The following GAS7 variants were observed in gnomAD, a reference collection of about 807,000 sequenced individuals.
The protein encoded by GAS7 is growth arrest-specific protein 7.
In GAS7, 28 loss-of-function variants were observed where a neutral mutation model predicts 71.1. That is an observed-to-expected ratio of 0.39 (90% CI 0.29 to 0.54). The LOEUF is 0.54. GAS7 is among the 20% of genes least tolerant of loss of function. The probability of loss-of-function intolerance (pLI) is 0.62; values close to 1 mark genes in which losing one functional copy is unlikely to be tolerated. For synonymous variants in GAS7, 258 were observed against 245.8 expected (o/e 1.05, Z -0.46); for missense variants, 436 against 627.8 (o/e 0.69, Z 3.27).
intron 1 of GAS7, among the ~76,000 whole-genome samples, chr17:10,108,141 C>T (rs7217769): frequency 0.41 from 62,081 of 152,066 alleles, 13,128 homozygotes; most frequent in African/African-American, 0.51. Flanking sequence ...CATGGCCCAG[C>T]GTGGCCAGCT....
At chr17:10,092,430 A>C (rs1022983605) in intron 1 of GAS7, among the ~76,000 whole-genome samples, 2 of 152,202 alleles carry the variant, frequency 1.3e-5, no homozygotes, top group African/African-American at 4.8e-5. Flanking sequence ...AGCACCCAAA[A>C]TAGAGCCTGA....
chr17:10,137,830 C>T (rs76743469), intron 1 of GAS7, among the ~76,000 whole-genome samples: 5,784 of 152,080 alleles, frequency 0.038, 341 homozygotes, highest in East Asian at 0.3. Context: ...CGTGAGCTAC[C>T]GCGCCAGACC....
chr17:9,942,862 G>A (rs1652725528), intron 7 of GAS7, among the ~76,000 whole-genome samples: 1 of 149,622 alleles, frequency 6.7e-6, no homozygotes, highest in South Asian at 2.1e-4. Context: ...CTTTCAAGGT[G>A]TGCTAAATAT....
intron 1 of GAS7, among the ~76,000 whole-genome samples, chr17:10,093,166 C>T (rs2073602156): frequency 6.6e-6 from 1 of 152,206 alleles, no homozygotes; most frequent in African/African-American, 2.4e-5. Context: ...TGCTACACAA[C>T]CTTGGACAAG....
At chr17:10,069,098 T>C (rs2073313535) in intron 1 of GAS7, among the ~76,000 whole-genome samples, 1 of 152,084 alleles carries the variant, frequency 6.6e-6, no homozygotes, top group Non-Finnish European at 1.5e-5. Context: ...CATGAACAGT[T>C]TAGAGAACAG....
intron 4 of GAS7, among the ~76,000 whole-genome samples, chr17:9,960,192 CTTT>C (rs778589790): frequency 7.0e-6 from 1 of 143,016 alleles, no homozygotes; most frequent in African/African-American, 2.6e-5. Flanking sequence ...TGACCTTATT[CTTT>C]TTTTTTTTTT....
At chr17:10,005,328 TACACAC>T (rs564932578) in intron 2 of GAS7, among the ~76,000 whole-genome samples, 3 of 149,180 alleles carry the variant, frequency 2.0e-5, no homozygotes, top group Non-Finnish European at 3.0e-5. Context: ...CATATATATA[TACACAC>T]ACACACACAC....
chr17:10,032,633 C>A (rs901678977), intron 1 of GAS7, among the ~76,000 whole-genome samples: 1 of 152,170 alleles, frequency 6.6e-6, no homozygotes, highest in African/African-American at 2.4e-5. Context: ...AGGAAAATAT[C>A]AAGGCAGTTA....
chr17:10,056,712 A>C (rs551629343), intron 1 of GAS7, among the ~76,000 whole-genome samples: 1 of 152,020 alleles, frequency 6.6e-6, no homozygotes, highest in Non-Finnish European at 1.5e-5. Flanking sequence ...TCTACTAAAA[A>C]TACAAAAATT....
intron 12 of GAS7, among the ~76,000 whole-genome samples, chr17:9,918,444 C>T (rs1005199054): frequency 6.6e-6 from 1 of 152,264 alleles, no homozygotes; most frequent in Non-Finnish European, 1.5e-5. Context: ...GGCAACAACA[C>T]AGCTCACCCA....
At chr17:10,195,334 C>T (rs985191552) in intron 1 of GAS7, among the ~76,000 whole-genome samples, 3 of 152,184 alleles carry the variant, frequency 2.0e-5, no homozygotes, top group African/African-American at 7.2e-5. Flanking sequence ...CTGGGTCTCT[C>T]GGTTCCCCTT....
intron 1 of GAS7, among the ~76,000 whole-genome samples, chr17:10,054,039 C>G (rs913793190): frequency 6.6e-6 from 1 of 152,168 alleles, no homozygotes; most frequent in Non-Finnish European, 1.5e-5. Flanking sequence ...AGGCACTCCA[C>G]TTTGAGAATC....
intron 4 of GAS7, among the ~76,000 whole-genome samples, chr17:9,968,097 C>A (rs547800122): frequency 6.6e-6 from 1 of 152,318 alleles, no homozygotes; most frequent in South Asian, 2.1e-4. Context: ...TGAACCACAT[C>A]AGAATTTAGG....
chr17:10,179,814 C>A lies in GAS7; in HGVS notation c.183+18394G>T, dbSNP rs578074254. Among the ~76,000 whole-genome samples, 23 of 152,110 alleles carry A rather than the reference C, an allele frequency of 1.5e-4. 2 individuals carry two copies. In the East Asian group the frequency reaches 2.5e-3, roughly 17 times the overall value. On this transcript the variant is annotated intron_variant, in intron 1 of 13. Coordinates refer to ENST00000432992, the MANE Select transcript of GAS7 (RefSeq NM_201433.2). ...CAAGGTCCCCACCCAAAATGGTGAC[C>A]AGGAGGTTGGGAAGGACGCTCCGAG... is the stretch of plus-strand genomic sequence containing the variant.
chr17:10,103,885 T>C lies in GAS7; in HGVS notation c.184-83988A>G, dbSNP rs994176625. Reference sequence around the variant, plus strand: ...CCATAGAACCCATAGTAGCTGCTCATCAACCCACAGCCCAAATTCATCCTA... The same window carrying C: ...CCATAGAACCCATAGTAGCTGCTCACCAACCCACAGCCCAAATTCATCCTA... On this transcript the variant is annotated intron_variant, in intron 1 of 13. Coordinates refer to ENST00000432992, the MANE Select transcript of GAS7 (RefSeq NM_201433.2). The surrounding 1 kb of genome is among the most constrained non-coding windows in gnomAD (Gnocchi z 5.5). 6.7e-6 allele frequency among the ~76,000 whole-genome samples: 1 copy of C among 150,154 alleles called. No homozygotes were observed. Among genetic ancestry groups the C allele is most frequent in the Admixed American group, 6.6e-5 (1 of 15,078 alleles).
At chr17:9,924,557 T>C (rs1431351779) in intron 11 of GAS7, 3 of 141,490 alleles carry the variant, frequency 2.1e-5, no homozygotes, top group Non-Finnish European at 4.7e-5. Context: ...ATAAATATAC[T>C]GTGCCCTCTA....
At chr17:10,173,323 T>A (rs2074349115) in intron 1 of GAS7, among the ~76,000 whole-genome samples, 1 of 152,120 alleles carries the variant, frequency 6.6e-6, no homozygotes, top group African/African-American at 2.4e-5. Context: ...GTGAATTTCA[T>A]GTTATGTGAA....
At chr17:10,055,634 A>G (rs1276245305) in intron 1 of GAS7, among the ~76,000 whole-genome samples, 1 of 152,224 alleles carries the variant, frequency 6.6e-6, no homozygotes, top group Non-Finnish European at 1.5e-5. Context: ...GTCCAGGCCC[A>G]TTCAGCCACC....
At chr17:10,010,083 T>C (rs980556564) in intron 2 of GAS7, among the ~76,000 whole-genome samples, 1 of 152,124 alleles carries the variant, frequency 6.6e-6, no homozygotes, top group Non-Finnish European at 1.5e-5. Flanking sequence ...ATAGCTTGGA[T>C]CAAGTCCCTT....
Sources: gnomAD v4.1 joint callset for allele counts (sites outside exome capture counted in the v4.1 genomes callset) on GRCh38, gnomAD v4.1.1 for gene constraint, Gnocchi (gnomAD v3.1) non-coding constraint, MANE v1.5 for transcripts, NCBI Gene and HGNC (gene_info 2026-07-23, HGNC 2026-07-21) for gene names.